TGM1: variants seen among roughly 807,000 people sequenced by gnomAD.
The protein encoded by TGM1 is transglutaminase 1.
A neutral mutation model predicts 88.7 loss-of-function variants in TGM1; 63 were observed. The observed-to-expected ratio is 0.71, with a 90% CI of 0.58 to 0.88. The LOEUF is 0.88. Ranked by LOEUF, TGM1 falls within the 40% of genes least tolerant of loss-of-function variation. The pLI, the probability that TGM1 is intolerant of heterozygous loss-of-function variation, is 0.00. For synonymous variants in TGM1, 415 were observed against 431.1 expected, an observed-to-expected ratio of 0.96 and a Z score of 0.46; for missense variants, 996 against 1,118.0, an observed-to-expected ratio of 0.89 and a Z score of 1.56.
rs200948596 is a variant in TGM1 at position 24,259,847 on chromosome 14, G to T, written c.877-36C>A. On this transcript the variant is annotated intron_variant, in intron 5 of 14. Transcript: ENST00000206765. This position sits in a 1 kb window ranked among gnomAD's most constrained non-coding sequence, Gnocchi z 5.7. ...GGATGGAGGGCAGAGGTGACAGCCT[G>T]AACCCTAGGCCAGCACCCTGCTCCA... 6.2e-7 allele frequency: 1 copy of T among 1,609,960 alleles called. No individual in the cohort carries two copies. The highest frequency in any genetic ancestry group is 8.5e-7 in the Non-Finnish European group (1 of 1,177,370).
At chr14:24,260,731 G>A (rs370987644) in intron 3 of TGM1, 33 bp from the exon 4 acceptor site, 2 of 1,613,820 alleles carry the variant, frequency 1.2e-6, no homozygotes, top group African/African-American at 1.3e-5. Context: ...AGCTGGCAAG[G>A]CCTCCCTGAG....
intron 7 of TGM1, 80 bp downstream of exon 7, chr14:24,258,995 T>C (rs2040781783): frequency 2.6e-6 from 4 of 1,544,836 alleles, no homozygotes; most frequent in Non-Finnish European, 3.6e-6. Context: ...TAGCCACATC[T>C]GGGCAGGGCT....
rs2040797946 is a variant in TGM1, at chr14:24,260,366, G to A, written c.757+84C>T. 1.9e-6 allele frequency: 3 copies of A among 1,584,654 alleles called. 1 individual carries two copies. In the East Asian group the frequency reaches 6.9e-5, roughly 36 times the overall value. On this transcript the variant is annotated intron_variant, in intron 4 of 14. Coordinates refer to ENST00000206765, the MANE Select transcript of TGM1 (RefSeq NM_000359.3). ...GGCTTCTCCTGGGGTCAGGCACCTA[G>A]GCACCCCGCCACATCCGAGGGCAGG...
In TGM1 at chr14:24,258,675, T is replaced by G. The variant is rs1292568038; in HGVS notation, c.1160-2A>C. On this transcript the variant is annotated splice_acceptor_variant, in intron 7 of 14. Transcript: ENST00000206765. LOFTEE classifies it high-confidence loss of function. ...TGGCCAGACCCAGGCAGCGCAGCAC[T>G]GTGGAGGAGCGAAGGTTGGGGTTCA... 6.2e-7 allele frequency: 1 copy of G among 1,613,642 alleles called. No individual in the cohort carries two copies. Among genetic ancestry groups the G allele is most frequent in the Non-Finnish European group, 8.5e-7 (1 of 1,179,576 alleles).
rs1199461334 is a variant in TGM1 at position 24,258,448 on chromosome 14, C to T, written c.1299-60G>A. 4 of 1,611,920 alleles carry T rather than the reference C, an allele frequency of 2.5e-6. No individual in the cohort carries two copies. The Admixed American group carries it at 6.7e-5, about 27-fold the overall frequency. On this transcript the variant is annotated intron_variant, in intron 8 of 14. Coordinates refer to ENST00000206765, the MANE Select transcript of TGM1 (RefSeq NM_000359.3). ...CCCAGGGTCAGGAGTCCTCAGTTTCCCCAGCCTCCCCAGCCCTGCCCACCC... is the reference window on the plus strand; with the variant it reads ...CCCAGGGTCAGGAGTCCTCAGTTTCTCCAGCCTCCCCAGCCCTGCCCACCC...
chr14:24,249,261 G>T lies in TGM1; in HGVS notation c.*52C>A. 6.4e-7 allele frequency: 1 copy of T among 1,555,950 alleles called. No individual in the cohort carries two copies. The highest frequency in any genetic ancestry group is 8.8e-7 in the Non-Finnish European group (1 of 1,133,600). ...CTGCTCTGTAGTGTGCCCCTATCTTGGGGCAATGTCCTTGCTCATCTGACT... is the reference window on the plus strand; with the variant it reads ...CTGCTCTGTAGTGTGCCCCTATCTTTGGGCAATGTCCTTGCTCATCTGACT... On this transcript the variant is annotated 3_prime_UTR_variant, in exon 15 of 15. Transcript: ENST00000206765.
At position 24,255,526 on chromosome 14, in the gene TGM1, G is replaced by A. The variant is rs1396076988; in HGVS notation, c.1492-9C>T. ...ACCTTGTCACTATTCACCTGTGGGG[G>A]GTGGGGGTGAGCAGGAATGAGTGAG... On this transcript the variant is annotated splice_polypyrimidine_tract_variant and intron_variant, in intron 10 of 14. Transcript: ENST00000206765. The surrounding 1 kb of genome is among the most constrained non-coding windows in gnomAD (Gnocchi z 4.0). The A allele has an allele frequency of 1.2e-6, 2 of 1,612,780 alleles. No individual in the cohort carries two copies. The highest frequency in any genetic ancestry group is 1.7e-6 in the Non-Finnish European group (2 of 1,180,004).
chr14:24,261,768 C>G lies in TGM1; in HGVS notation c.435G>C (p.Gln145His). The change falls in exon 3 of 15, where the codon CAG becomes CAC. Residue 145 changes from glutamine to histidine, a missense_variant. By Grantham distance (24) the Gln-to-His change is conservative. Transcript: ENST00000206765. The stretch of plus-strand genomic sequence containing the variant: ...ACAGGAGGAGGAGCATATGGAAAGG[C>G]TGCCCGCGGCGCACTATCAGCTCGT... ...EYDELIVRRG[Q>H]PFHMLLLLSR... 6.2e-7 allele frequency: 1 copy of G among 1,614,132 alleles called. No homozygotes were observed. Among genetic ancestry groups the G allele is most frequent in the South Asian group, 1.1e-5 (1 of 91,076 alleles).
chr14:24,260,866 C>T (rs1444508152), intron 3 of TGM1, among the ~76,000 whole-genome samples, 168 bp from the exon 4 acceptor site: 1 of 152,196 alleles, frequency 6.6e-6, no homozygotes, highest in Non-Finnish European at 1.5e-5. Context: ...GCTCTGTCTC[C>T]ACCCAATGCT....
rs1249917471 is a variant in TGM1, at chr14:24,255,875, A to C, written c.1491+114T>G. ...TCCCCTTTTACAGGTGAGGAAACTG[A>C]CTTGTATAATGAGTGACTTGCCCCG... On this transcript the variant is annotated intron_variant, in intron 10 of 14. Transcript: ENST00000206765. This position sits in a 1 kb window ranked among gnomAD's most constrained non-coding sequence, Gnocchi z 4.0. 1 of 823,166 alleles carries C rather than the reference A, an allele frequency of 1.2e-6. No individual in the cohort carries two copies. The highest frequency in any genetic ancestry group is 2.2e-5 in the Admixed American group (1 of 45,592). 51.0% of individuals were successfully genotyped at this position (823,166 alleles called of 1,614,324 possible). A position where few individuals can be genotyped will look rare whatever the true frequency, so the allele number is the denominator to read the frequency against.
chr14:24,256,099 A>C, intron 9 of TGM1, 22 bp from the exon 10 acceptor site: 2 of 1,546,580 alleles, frequency 1.3e-6, no homozygotes, highest in Non-Finnish European at 1.8e-6. Flanking sequence ...GGCGGGACAG[A>C]GGCAAGAGAT....
At chr14:24,254,611 C>A in intron 13 of TGM1, 53 bp downstream of exon 13, 1 of 1,612,514 alleles carries the variant, frequency 6.2e-7, no homozygotes, top group Non-Finnish European at 8.5e-7. Context: ...ATGTCCTTAT[C>A]CCCTGGCCTT....
At position 24,258,965 on chromosome 14, in the gene TGM1, C is replaced by T. The variant is rs984873057; in HGVS notation, c.1159+110G>A. 6.6e-5 allele frequency: 86 copies of T among 1,307,230 alleles called. No individual in the cohort carries two copies. The Middle Eastern group carries it at 7.4e-4, about 11-fold the overall frequency. The allele number at this position is 1,307,230 out of a possible 1,614,324, so 81.0% of individuals were successfully genotyped here. A position where few individuals can be genotyped will look rare whatever the true frequency, so the allele number is the denominator to read the frequency against. ...AATTAAGGCCAGCCTATTACCCACC[C>T]CCGCCTGCACCCTGCACTGTAGCCA... On this transcript the variant is annotated intron_variant, in intron 7 of 14. Coordinates refer to ENST00000206765, the MANE Select transcript of TGM1 (RefSeq NM_000359.3).
chr14:24,260,211 T>C (rs1290982113), intron 4 of TGM1, 153 bp from the exon 5 acceptor site: 1 of 931,328 alleles, frequency 1.1e-6, no homozygotes, highest in Non-Finnish European at 1.7e-6. Context: ...ACGGGGAGCA[T>C]GACAGATGGT....
In TGM1 at chr14:24,249,415, C is replaced by T. The variant is rs1415155927; in HGVS notation, c.2352G>A (p.Val784=). The change falls in exon 15 of 15, where the codon GTG becomes GTA. Residue 784 remains valine (V), a synonymous_variant. Coordinates refer to ENST00000206765, the MANE Select transcript of TGM1 (RefSeq NM_000359.3). ...QLSQVHGVIQ[V]DVAPAPGDGG... is the part of the protein sequence containing the mutation. ...CATCCCCAGGGGCTGGGGCCACATC[C>T]ACCTGGATGACACCGTGCACCTGGG... 2 of 1,614,176 alleles carry T rather than the reference C, an allele frequency of 1.2e-6. No homozygotes were observed. The highest frequency in any genetic ancestry group is 1.7e-6 in the Non-Finnish European group (2 of 1,180,042).
At position 24,260,682 on chromosome 14, in the gene TGM1, C is replaced by T. The variant is rs200092961; in HGVS notation, c.525G>A (p.Val175=). The T allele has an allele frequency of 2.1e-5, 34 of 1,614,142 alleles. No homozygotes were observed. The highest frequency in any genetic ancestry group is 2.8e-5 in the Non-Finnish European group (33 of 1,180,036). Residue 175 remains valine (V), a synonymous_variant, in exon 4 of 15, where the codon GTG becomes GTA. Coordinates refer to ENST00000206765, the MANE Select transcript of TGM1 (RefSeq NM_000359.3). Reference sequence around the variant, plus strand: ...GGATGATCACGTGCGTGCCCTTGCCCACCTCGGGGTTGTTTCCTAGAGTAG... The same window carrying T: ...GGATGATCACGTGCGTGCCCTTGCCTACCTCGGGGTTGTTTCCTAGAGTAG... The part of the protein sequence containing the change: ...LELLIGNNPE[V]GKGTHVIIPV...
In TGM1 at chr14:24,255,171, C is replaced by G; in HGVS notation, c.1728G>C (p.Ala576=). The change falls in exon 12 of 15, where the codon GCG becomes GCC. Residue 576 remains alanine (A), a synonymous_variant. Coordinates refer to ENST00000206765, the MANE Select transcript of TGM1 (RefSeq NM_000359.3). This position sits in a 1 kb window ranked among gnomAD's most constrained non-coding sequence, Gnocchi z 4.0. ...KPNVYANRGS[A]EDVAMQVEAQ... ...CCTCCACCTGCATGGCCACATCCTC[C>G]GCTGAGCCCCGGTTGGCATACACAT... 2 of 1,614,066 alleles carry G rather than the reference C, an allele frequency of 1.2e-6. No homozygotes were observed. The highest frequency in any genetic ancestry group is 4.5e-5 in the East Asian group (2 of 44,878).
rs2040795252 is a variant in TGM1 at position 24,260,064 on chromosome 14, T to A, written c.758-6A>T. The A allele has an allele frequency of 6.2e-7, 1 of 1,612,830 alleles. No individual in the cohort carries two copies. ...GTCCACGTACACAATGTCCTCTGTGTCCCCAGAACACACAAAACTGGTTCC... is the reference window on the plus strand; with the variant it reads ...GTCCACGTACACAATGTCCTCTGTGACCCCAGAACACACAAAACTGGTTCC... On this transcript the variant is annotated splice_region_variant and splice_polypyrimidine_tract_variant and intron_variant, in intron 4 of 14. Coordinates refer to ENST00000206765, the MANE Select transcript of TGM1 (RefSeq NM_000359.3).
chr14:24,262,269 C>A lies in TGM1; in HGVS notation c.84G>T (p.Glu28Asp), dbSNP rs1460335965. ...QPPTTPSPEP[E>D]PEPDGRSRRG... The stretch of plus-strand genomic sequence containing the variant: ...TGCGAGAGCGTCCGTCTGGCTCTGG[C>A]TCTGGCTCTGGAGATGGCGTGGTAG... Residue 28 changes from glutamate (E) to aspartate (D), a missense_variant, in exon 2 of 15, where the codon GAG becomes GAT. Coordinates refer to ENST00000206765, the MANE Select transcript of TGM1 (RefSeq NM_000359.3). 6.2e-7 allele frequency: 1 copy of A among 1,613,788 alleles called. No homozygotes were observed.
Sources: gnomAD v4.1 joint callset for allele counts (sites outside exome capture counted in the v4.1 genomes callset) on GRCh38, gnomAD v4.1.1 for gene constraint, Gnocchi (gnomAD v3.1) non-coding constraint, MANE v1.5 for transcripts, NCBI Gene and HGNC (gene_info 2026-07-23, HGNC 2026-07-21) for gene names.